DAB1: variants seen among roughly 807,000 people sequenced by gnomAD.
DAB1 encodes disabled homolog 1.
DAB1 carries 15 observed loss-of-function variants against 64.6 expected under a neutral mutation model. The observed-to-expected ratio is 0.23, with a 90% CI of 0.16 to 0.36. The LOEUF is 0.36. Among genes scored for constraint, DAB1 ranks in the 10% least tolerant of loss-of-function variants. The probability of loss-of-function intolerance (pLI) is 1.00; values close to 1 mark genes in which losing one functional copy is unlikely to be tolerated. For missense variants in DAB1, 596 were observed against 706.7 expected (o/e 0.84, Z 1.78); for synonymous variants, 235 against 251.9 (o/e 0.93, Z 0.64).
chr1:57,587,870 G>A (rs1001682160), intron 7 of DAB1, among the ~76,000 whole-genome samples: 2 of 152,152 alleles, frequency 1.3e-5, no homozygotes, highest in African/African-American at 4.8e-5. Flanking sequence ...GAGCAGCCTA[G>A]CCCTGTACCA....
intron 3 of DAB1, among the ~76,000 whole-genome samples, chr1:58,447,861 A>AC (rs1645087835): frequency 2.5e-5 from 1 of 39,356 alleles, no homozygotes; most frequent in African/African-American, 1.0e-4. Flanking sequence ...CTTAAACAAA[A>AC]AAAAAAAAAA....
intron 7 of DAB1, among the ~76,000 whole-genome samples, chr1:57,551,128 C>A (rs972851448): frequency 6.6e-6 from 1 of 152,158 alleles, no homozygotes; most frequent in African/African-American, 2.4e-5. Context: ...AACAATAGCA[C>A]GTTCGTCTTG....
At chr1:58,330,273 A>G (rs1409847685) in intron 4 of DAB1, among the ~76,000 whole-genome samples, 1 of 152,224 alleles carries the variant, frequency 6.6e-6, no homozygotes, top group African/African-American at 2.4e-5. Flanking sequence ...GCAAAGCCCC[A>G]ACTCTTCCTC....
At position 58,191,583 on chromosome 1, in the gene DAB1, T is replaced by C. The variant is rs963612553; in HGVS notation, n.310-40995A>G. ...CCGTGAAGCTGGAGGACACAGGTCT[T>C]CTGGAGCTCATCCAGGGCTCTTTCC... is the stretch of plus-strand genomic sequence containing the variant. On this transcript the variant is annotated intron_variant and non_coding_transcript_variant, in intron 4 of 20. Transcript: ENST00000485760. Among the ~76,000 whole-genome samples, 10 of 152,170 alleles carry C rather than the reference T, an allele frequency of 6.6e-5. 1 individual carries two copies. Among genetic ancestry groups the C allele is most frequent in the African/African-American group, 2.4e-4 (10 of 41,444 alleles).
rs189483773 is a variant in DAB1 at position 58,029,888 on chromosome 1, T to C, written n.387+120623A>G. Among the ~76,000 whole-genome samples the C allele has an allele frequency of 4.7e-4, 72 of 152,114 alleles. 1 individual carries two copies. In the East Asian group the frequency reaches 9.3e-3, roughly 20 times the overall value. On this transcript the variant is annotated intron_variant and non_coding_transcript_variant, in intron 5 of 20. Coordinates refer to the DAB1 transcript ENST00000485760. ...TCAAAGTGTAATCTTAGTAAAAAAA[T>C]AAATAAATAAACACAGGATACAAAA...
chr1:58,323,903 C>A (rs1469721412), intron 4 of DAB1, among the ~76,000 whole-genome samples: 2 of 131,214 alleles, frequency 1.5e-5, no homozygotes, highest in Non-Finnish European at 3.1e-5. Flanking sequence ...CCAGCCTGGG[C>A]AGCAGAGCAA....
chr1:57,985,215 G>A (rs1048962844), intron 5 of DAB1, among the ~76,000 whole-genome samples: 7 of 152,238 alleles, frequency 4.6e-5, no homozygotes, highest in African/African-American at 1.7e-4. Flanking sequence ...GCCTGCTTTA[G>A]TATCTTAATA....
At chr1:57,309,371 T>C (rs1359180588) in intron 1 of DAB1, among the ~76,000 whole-genome samples, 1 of 152,204 alleles carries the variant, frequency 6.6e-6, no homozygotes, top group Non-Finnish European at 1.5e-5. Flanking sequence ...TATTAGGCAA[T>C]TTCTGGCTTC....
At chr1:57,341,752 C>T (rs1677606747) in intron 1 of DAB1, among the ~76,000 whole-genome samples, 1 of 152,054 alleles carries the variant, frequency 6.6e-6, no homozygotes, top group Non-Finnish European at 1.5e-5. Context: ...ACAGGTCCCC[C>T]GAAAAAGATT....
intron 1 of DAB1, among the ~76,000 whole-genome samples, chr1:57,883,714 C>T (rs1160580513): frequency 6.6e-6 from 1 of 152,164 alleles, no homozygotes; most frequent in African/African-American, 2.4e-5. Context: ...ATTTAGTCTC[C>T]AATCTAAGTC....
chr1:57,553,666 T>G (rs1391695770), intron 7 of DAB1, among the ~76,000 whole-genome samples: 2 of 151,918 alleles, frequency 1.3e-5, no homozygotes, highest in Non-Finnish European at 2.9e-5. Context: ...GCAGGATCCT[T>G]TCTCTTAAAT....
At chr1:58,225,359 T>C (rs1334733776) in intron 4 of DAB1, among the ~76,000 whole-genome samples, 1 of 152,158 alleles carries the variant, frequency 6.6e-6, no homozygotes, top group Non-Finnish European at 1.5e-5. Flanking sequence ...TTTACACTGT[T>C]GGTGGGACTG....
In DAB1 at chr1:58,094,799, G is replaced by T. The variant is rs554953122; in HGVS notation, n.387+55712C>A. ...TATTAAACTTTAAGGTGCATCTAAA[G>T]AACCCTATGGTGGCATTAAAATGCA... On this transcript the variant is annotated intron_variant and non_coding_transcript_variant, in intron 5 of 20. Transcript: ENST00000485760. 7.2e-5 allele frequency among the ~76,000 whole-genome samples: 11 copies of T among 152,318 alleles called. No individual in the cohort carries two copies. The East Asian group carries it at 2.1e-3, about 29-fold the overall frequency.
At chr1:57,018,191 T>C (rs1646496254) in intron 11 of DAB1, among the ~76,000 whole-genome samples, 1 of 152,238 alleles carries the variant, frequency 6.6e-6, no homozygotes, top group Admixed American at 6.5e-5. Context: ...GAGAAGACTG[T>C]ATTTTTGGTT....
chr1:58,036,925 G>A (rs1647052877), intron 5 of DAB1, among the ~76,000 whole-genome samples: 1 of 152,136 alleles, frequency 6.6e-6, no homozygotes, highest in Admixed American at 6.5e-5. Context: ...TGCCTGCCTT[G>A]CATTGGTTAA....
At chr1:57,335,217 A>T (rs1020167615) in intron 1 of DAB1, among the ~76,000 whole-genome samples, 1 of 152,024 alleles carries the variant, frequency 6.6e-6, no homozygotes, top group Non-Finnish European at 1.5e-5. Flanking sequence ...TTTAAGGCAC[A>T]GTGTTAAAGA....
intron 4 of DAB1, among the ~76,000 whole-genome samples, chr1:57,110,973 A>G (rs574467313): frequency 3.8e-4 from 57 of 151,932 alleles, no homozygotes; most frequent in African/African-American, 1.4e-3. Flanking sequence ...TATATAATAT[A>G]TATTATTGAA....
At chr1:57,751,043 C>A (rs964966857) in intron 6 of DAB1, among the ~76,000 whole-genome samples, 1 of 152,080 alleles carries the variant, frequency 6.6e-6, no homozygotes, top group African/African-American at 2.4e-5. Flanking sequence ...CCAAAGGTGG[C>A]CAATTGAGGC....
At chr1:57,118,513 T>G (rs1656346281) in intron 4 of DAB1, among the ~76,000 whole-genome samples, 1 of 152,174 alleles carries the variant, frequency 6.6e-6, no homozygotes. Context: ...AGCTCCTGCC[T>G]TCTATGCTAA....
Sources: gnomAD v4.1 joint callset for allele counts (sites outside exome capture counted in the v4.1 genomes callset) on GRCh38, gnomAD v4.1.1 for gene constraint, MANE v1.5 for transcripts, NCBI Gene and HGNC (gene_info 2026-07-23, HGNC 2026-07-21) for gene names.